DPP6: variants seen among roughly 807,000 people sequenced by gnomAD.
DPP6 encodes A-type potassium channel modulatory protein DPP6.
DPP6 carries 69 observed loss-of-function variants against 122.6 expected under a neutral mutation model. The observed-to-expected ratio is 0.56, with a 90% CI of 0.46 to 0.69. The LOEUF (loss-of-function observed/expected upper bound fraction) is 0.69. Among genes scored for constraint, DPP6 ranks in the 30% least tolerant of loss-of-function variants. DPP6 has a pLI of 0.00. For missense variants in DPP6, 928 were observed against 1,116.9 expected (o/e 0.83, Z 2.41); for synonymous variants, 418 against 433.1 (o/e 0.97, Z 0.43).
chr7:154,523,155 A>G (rs1827136325), intron 3 of DPP6, among the ~76,000 whole-genome samples: 3 of 152,170 alleles, frequency 2.0e-5, no homozygotes, highest in African/African-American at 7.2e-5. Flanking sequence ...ATTTTTTATG[A>G]AATATTTTAA....
chr7:154,658,943 G>A (rs773405901), intron 6 of DPP6, among the ~76,000 whole-genome samples: 16 of 152,198 alleles, frequency 1.1e-4, no homozygotes, highest in Non-Finnish European at 2.1e-4. Flanking sequence ...TTGGGCATTC[G>A]CTAGTCTGGG....
At chr7:154,544,337 A>G (rs951172624) in intron 4 of DPP6, among the ~76,000 whole-genome samples, 8 of 152,122 alleles carry the variant, frequency 5.3e-5, no homozygotes, top group Non-Finnish European at 4.4e-5. Context: ...ATAAAAGCAC[A>G]GTTGTCCCCA....
At chr7:154,891,406 C>T (rs1312596898) in intron 25 of DPP6, among the ~76,000 whole-genome samples, 1 of 152,126 alleles carries the variant, frequency 6.6e-6, no homozygotes, top group Non-Finnish European at 1.5e-5. Flanking sequence ...CTAAGCACGG[C>T]ACGGCTATAA....
chr7:154,559,138 A>G (rs1200824669), intron 4 of DPP6, among the ~76,000 whole-genome samples: 6 of 152,048 alleles, frequency 3.9e-5, no homozygotes, highest in Non-Finnish European at 5.9e-5. Context: ...TGTATTCCAA[A>G]TGCTCAAGGC....
intron 1 of DPP6, among the ~76,000 whole-genome samples, chr7:154,337,389 G>A (rs1346956020): frequency 1.3e-5 from 2 of 152,170 alleles, no homozygotes; most frequent in Non-Finnish European, 2.9e-5. Context: ...GTAAAACATG[G>A]AGTAGTTTTC....
intron 8 of DPP6, among the ~76,000 whole-genome samples, chr7:154,759,719 C>T (rs1795408228): frequency 6.6e-6 from 1 of 152,236 alleles, no homozygotes; most frequent in Non-Finnish European, 1.5e-5. Context: ...CTGTAAGGCC[C>T]CTCTCTGTGT....
intron 3 of DPP6, among the ~76,000 whole-genome samples, chr7:154,478,611 TGAA>T (rs1822963516): frequency 6.6e-6 from 1 of 152,166 alleles, no homozygotes; most frequent in South Asian, 2.1e-4. Flanking sequence ...ATTTTACAGA[TGAA>T]GAAACTGAGT....
At chr7:153,914,366 T>C (rs1563227799) in intron 1 of DPP6, among the ~76,000 whole-genome samples, 1 of 152,180 alleles carries the variant, frequency 6.6e-6, no homozygotes, top group Non-Finnish European at 1.5e-5. Flanking sequence ...AACAGACTAA[T>C]ACATATGGCT....
chr7:154,117,208 A>C (rs1807052473), intron 1 of DPP6, among the ~76,000 whole-genome samples: 1 of 152,160 alleles, frequency 6.6e-6, no homozygotes, highest in Non-Finnish European at 1.5e-5. Flanking sequence ...TTAAATTTTA[A>C]ATACAAGTTT....
intron 1 of DPP6, among the ~76,000 whole-genome samples, chr7:154,024,145 A>G (rs1284984247): frequency 5.3e-5 from 8 of 152,222 alleles, no homozygotes; most frequent in African/African-American, 1.9e-4. Flanking sequence ...AGAAGGAATT[A>G]TGGGAGCAAA....
At chr7:154,098,102 C>T (rs1351121321) in intron 1 of DPP6, among the ~76,000 whole-genome samples, 1 of 152,098 alleles carries the variant, frequency 6.6e-6, no homozygotes, top group Admixed American at 6.5e-5. Flanking sequence ...CTCCCATAAT[C>T]CTGTTGGATT....
At chr7:154,438,489 A>T (rs1057124265) in intron 1 of DPP6, among the ~76,000 whole-genome samples, 2 of 149,338 alleles carry the variant, frequency 1.3e-5, no homozygotes, top group African/African-American at 4.9e-5. Flanking sequence ...AAAAAAAAAA[A>T]AAAAAAAAGA....
At chr7:154,106,595 A>G (rs541732398) in intron 1 of DPP6, among the ~76,000 whole-genome samples, 1 of 148,816 alleles carries the variant, frequency 6.7e-6, no homozygotes, top group African/African-American at 2.5e-5. Flanking sequence ...CTGACTTTGT[A>G]GGAAATGGGA....
At chr7:153,859,832 G>T in the DPP6 span, among the ~76,000 whole-genome samples, 4 of 152,150 alleles carry the variant, frequency 2.6e-5, no homozygotes, top group African/African-American at 9.7e-5. Flanking sequence ...CAGAGGAAAT[G>T]CCAGATGCTT....
At chr7:154,206,803 T>C (rs913538890) in intron 1 of DPP6, among the ~76,000 whole-genome samples, 2 of 152,196 alleles carry the variant, frequency 1.3e-5, no homozygotes, top group African/African-American at 4.8e-5. Context: ...ATAGATGACA[T>C]GGAATTGTTC....
At chr7:154,886,985 A>C (rs928187502) in intron 22 of DPP6, among the ~76,000 whole-genome samples, 1 of 152,224 alleles carries the variant, frequency 6.6e-6, no homozygotes, top group Non-Finnish European at 1.5e-5. Context: ...ATTGAGTGAG[A>C]CTTTCTTAAT....
intron 1 of DPP6, among the ~76,000 whole-genome samples, chr7:154,065,636 T>G (rs576940651): frequency 1.3e-5 from 2 of 151,604 alleles, no homozygotes; most frequent in Non-Finnish European, 2.9e-5. Flanking sequence ...AAATTGTCCA[T>G]CAAGGTATAA....
chr7:154,680,508 G>C (rs6976030), intron 7 of DPP6, among the ~76,000 whole-genome samples: 1 of 152,028 alleles, frequency 6.6e-6, no homozygotes, highest in East Asian at 1.9e-4. Context: ...CTGCATGGGA[G>C]CATGGAGCAT....
chr7:154,577,231 G>A (rs1468217487), intron 5 of DPP6, among the ~76,000 whole-genome samples: 1 of 152,080 alleles, frequency 6.6e-6, no homozygotes, highest in Non-Finnish European at 1.5e-5. Context: ...GAGGGTCGTG[G>A]GGAAGGACCC....
Sources: allele counts gnomAD v4.1 joint callset (sites outside exome capture counted in the v4.1 genomes callset), GRCh38; gene constraint gnomAD v4.1.1; transcripts MANE v1.5; gene names NCBI Gene and HGNC (gene_info 2026-07-23, HGNC 2026-07-21).